The following PLXNB3 variants were observed in gnomAD, a reference collection of about 807,000 sequenced individuals.
PLXNB3 encodes the protein plexin B3.
A neutral mutation model predicts 125.7 loss-of-function variants in PLXNB3; 80 were observed. That is an observed-to-expected ratio of 0.64 (90% CI 0.53 to 0.77). The LOEUF is 0.77. PLXNB3 is among the 30% of genes least tolerant of loss of function. PLXNB3 has a pLI of 0.00. For missense variants in PLXNB3, 1,836 were observed against 1,729.3 expected (o/e 1.06, Z -1.09); for synonymous variants, 954 against 783.3 (o/e 1.22, Z -3.64).
At chrX:153,766,198 G>T in intron 2 of PLXNB3, 1 of 1,148,449 alleles carries the variant, frequency 8.7e-7, no homozygotes, top group African/African-American at 1.8e-5. Flanking sequence ...TCGCCCTGGA[G>T]CTGGGCGCCA....
intron 12 of PLXNB3, 77 bp downstream of exon 12, chrX:153,771,158 C>T (rs922799411): frequency 2.4e-5 from 24 of 980,169 alleles, no homozygotes; most frequent in East Asian, 6.1e-5. Context: ...TTGTGGAGAG[C>T]CTGCTTGGGG....
In PLXNB3 at chrX:153,771,474, G is replaced by A; in HGVS notation, c.2348-12G>A. 8.3e-7 allele frequency: 1 copy of A among 1,207,972 alleles called. No homozygotes were observed. Among genetic ancestry groups the A allele is most frequent in the Middle Eastern group, 2.3e-4 (1 of 4,317 alleles). ...ACAGGAGGCGCTCAGCACACTGCCTGACCCTCCCTAGTGATCCTGTACGAC... is the reference window on the plus strand; with the variant it reads ...ACAGGAGGCGCTCAGCACACTGCCTAACCCTCCCTAGTGATCCTGTACGAC... On this transcript the variant is annotated splice_polypyrimidine_tract_variant and intron_variant, in intron 13 of 35. Transcript: ENST00000361971.
In PLXNB3 at chrX:153,771,357, C is replaced by T. The variant is rs1029731595; in HGVS notation, c.2301C>T (p.Val767=). 3 of 1,210,823 alleles carry T rather than the reference C, an allele frequency of 2.5e-6. No individual in the cohort carries two copies. The highest frequency in any genetic ancestry group is 1.7e-5 in the African/African-American group (1 of 58,003). ...SQRELPVPIY[V]TQGEAQRLDN... is the part of the protein sequence containing the mutation. Reference sequence around the variant, plus strand: ...GGGAGCTCCCAGTGCCCATCTACGTCACCCAGGGTGAAGCCCAGAGGCTGG... The same window carrying T: ...GGGAGCTCCCAGTGCCCATCTACGTTACCCAGGGTGAAGCCCAGAGGCTGG... Residue 767 remains valine, a synonymous_variant, in exon 13 of 36, where the codon GTC becomes GTT. Coordinates refer to ENST00000361971, the MANE Select transcript of PLXNB3 (RefSeq NM_005393.3).
In PLXNB3 at chrX:153,771,429, C is replaced by T. The variant is rs2266880; in HGVS notation, c.2347+26C>T. ...GTGAGCCTGAGGGCAGCCAGGCAGG[C>T]GGGGCAGGGTGGGTGGCAGACAGGA... On this transcript the variant is annotated intron_variant, in intron 13 of 35. Transcript: ENST00000361971. The T allele has an allele frequency of 0.18, 214,570 of 1,204,248 alleles. 19,670 individuals are homozygous for T. The highest frequency in any genetic ancestry group is 0.6 in the East Asian group (20,180 of 33,657).
chrX:153,772,693 C>T (rs898193868), intron 16 of PLXNB3, 193 bp from the exon 17 acceptor site: 2 of 977,412 alleles, frequency 2.0e-6, no homozygotes, highest in Admixed American at 5.1e-5. Context: ...ACTCCCCATG[C>T]GGCAGGGGTG....
rs1452761898 is a variant in PLXNB3, at chrX:153,775,296, G to A, written c.4227G>A (p.Ser1409=). 2.2e-5 allele frequency: 26 copies of A among 1,207,831 alleles called. No individual in the cohort carries two copies. Among genetic ancestry groups the A allele is most frequent in the Middle Eastern group, 2.3e-4 (1 of 4,365 alleles). The change falls in exon 25 of 36, where the codon TCG becomes TCA. Residue 1409 remains serine, a synonymous_variant. Coordinates refer to ENST00000361971, the MANE Select transcript of PLXNB3 (RefSeq NM_005393.3). The part of the protein sequence containing the change: ...RDRCHVASLL[S]LALHGKLEYL... ...GCTGCCATGTGGCTTCGCTGCTGTC[G>A]CTAGCGCTACACGGCAAGCTGGAGT...
At chrX:153,768,897 C>T in intron 4 of PLXNB3, 51 bp from the exon 5 acceptor site, 1 of 1,183,551 alleles carries the variant, frequency 8.4e-7, no homozygotes, top group Non-Finnish European at 1.1e-6. Flanking sequence ...GTCCCTGGAA[C>T]AGGCAACCTT....
chrX:153,774,368 A>T (rs1557063204), intron 21 of PLXNB3, 24 bp downstream of exon 21: 4 of 1,156,373 alleles, frequency 3.5e-6, no homozygotes, highest in Admixed American at 2.5e-5. Context: ...CTGGGTGGGC[A>T]GGTGGACCGG....
intron 5 of PLXNB3, 25 bp downstream of exon 5, chrX:153,769,101 G>A: frequency 8.3e-7 from 1 of 1,204,960 alleles, no homozygotes; most frequent in Non-Finnish European, 1.1e-6. Context: ...GGGGCTGAAG[G>A]GGCCAGCACA....
At chrX:153,766,424 G>A (rs782434965) in intron 2 of PLXNB3, 75 of 1,072,098 alleles carry the variant, frequency 7.0e-5, no homozygotes, top group African/African-American at 2.3e-4. Flanking sequence ...GCGCAGGGGC[G>A]CGCTGTGACA....
In PLXNB3 at chrX:153,773,291, G is replaced by A; in HGVS notation, c.2968G>A (p.Glu990Lys). Residue 990 changes from glutamate to lysine, a missense_variant, in exon 18 of 36, where the codon GAA becomes AAA. By Grantham distance (56) the Glu-to-Lys change is moderately conservative. Transcript: ENST00000361971. ...TACCAGGCCCCAGGCTGCCCCAGGAGAAGCAGCGGTCCTTGTGGTCTTTGG... is the reference window on the plus strand; with the variant it reads ...TACCAGGCCCCAGGCTGCCCCAGGAAAAGCAGCGGTCCTTGTGGTCTTTGG... ...CRTRPQAAPG[E>K]AAVLVVFGHA... The A allele has an allele frequency of 8.3e-7, 1 of 1,210,401 alleles. No homozygotes were observed. The highest frequency in any genetic ancestry group is 1.1e-6 in the Non-Finnish European group (1 of 895,016).
At chrX:153,765,666 C>T in intron 2 of PLXNB3, 86 bp downstream of exon 2, 1 of 1,162,289 alleles carries the variant, frequency 8.6e-7, no homozygotes, top group African/African-American at 1.8e-5. Flanking sequence ...CCAGGACATA[C>T]AGGCTGCAGC....
chrX:153,773,069 TG>T, intron 17 of PLXNB3, 53 bp downstream of exon 17: 1 of 1,114,020 alleles, frequency 9.0e-7, no homozygotes, highest in Non-Finnish European at 1.2e-6. Flanking sequence ...TAGGCCTCAG[TG>T]GGGGTGGTAC....
At chrX:153,766,828 T>C (rs1557059354) in intron 2 of PLXNB3, 45 bp from the exon 3 acceptor site, 2 of 1,132,952 alleles carry the variant, frequency 1.8e-6, no homozygotes, top group Non-Finnish European at 2.3e-6. Context: ...TCTGGTCCTC[T>C]ATCTGCCTTG....
In PLXNB3 at chrX:153,775,059, A is replaced by T; in HGVS notation, c.4111A>T (p.Thr1371Ser). ...GHCATVRQGLTQLSNLLNSKL... is the reference protein window; with the variant it reads ...GHCATVRQGLSQLSNLLNSKL... ...CTGTGCCACTGTGCGCCAGGGCCTC[A>T]CGCAGCTCTCCAACCTGCTCAACAG... The change falls in exon 24 of 36, where the codon ACG becomes TCG. Residue 1371 changes from threonine to serine, a missense_variant. Transcript: ENST00000361971. 1 of 1,209,265 alleles carries T rather than the reference A, an allele frequency of 8.3e-7. No homozygotes were observed.
At chrX:153,768,041 C>A in intron 3 of PLXNB3, 128 bp downstream of exon 3, 1 of 776,596 alleles carries the variant, frequency 1.3e-6, no homozygotes, top group Non-Finnish European at 1.8e-6. Flanking sequence ...GTCTCCAGGT[C>A]TCCTGCCTGC....
chrX:153,767,765 C>T lies in PLXNB3; in HGVS notation c.938C>T (p.Ala313Val), dbSNP rs1454684044. 3.2e-5 allele frequency: 38 copies of T among 1,171,000 alleles called. No homozygotes were observed. The highest frequency in any genetic ancestry group is 3.7e-5 in the Non-Finnish European group (32 of 875,318). Residue 313 changes from alanine (A) to valine (V), a missense_variant, in exon 3 of 36, where the codon GCG (alanine) becomes GTG (valine). Ala to Val is a moderately conservative substitution (Grantham distance 64). Coordinates refer to ENST00000361971, the MANE Select transcript of PLXNB3 (RefSeq NM_005393.3). ...FAAGPRGTQAALCAFPMVELG... is the reference protein window; with the variant it reads ...FAAGPRGTQAVLCAFPMVELG... ...GCGGGCCCAAGGGGCACCCAGGCGGCGCTCTGTGCCTTCCCCATGGTGGAG... is the reference window on the plus strand; with the variant it reads ...GCGGGCCCAAGGGGCACCCAGGCGGTGCTCTGTGCCTTCCCCATGGTGGAG...
intron 2 of PLXNB3, chrX:153,766,589 G>A: frequency 3.8e-6 from 4 of 1,049,549 alleles, no homozygotes; most frequent in Non-Finnish European, 4.9e-6. Flanking sequence ...TATAAAGTAG[G>A]AGATGAAAGA....
At position 153,778,507 on chromosome X, in the gene PLXNB3, G is replaced by A. The variant is rs782286541; in HGVS notation, c.5550+36G>A. On this transcript the variant is annotated intron_variant, in intron 34 of 35. Coordinates refer to ENST00000361971, the MANE Select transcript of PLXNB3 (RefSeq NM_005393.3). ...GCCCGGGGGGTGCGCCTGTCCACAC[G>A]TGGGTGGAAAGACTAGCAGAGCAGA... 6 of 1,190,533 alleles carry A rather than the reference G, an allele frequency of 5.0e-6. No homozygotes were observed. In the South Asian group the frequency reaches 5.4e-5, roughly 11 times the overall value.
Sources: gnomAD v4.1 joint callset for allele counts on GRCh38, gnomAD v4.1.1 for gene constraint, MANE v1.5 for transcripts, NCBI Gene and HGNC (gene_info 2026-07-23, HGNC 2026-07-21) for gene names.